Variants in MBNL1 observed in about 807,000 individuals in gnomAD.
The protein encoded by MBNL1 is muscleblind like splicing regulator 1.
A neutral mutation model predicts 42.2 loss-of-function variants in MBNL1; 8 were observed. The observed-to-expected ratio is 0.19, with a 90% CI of 0.11 to 0.34. The LOEUF (loss-of-function observed/expected upper bound fraction) is 0.34. Among genes scored for constraint, MBNL1 ranks in the 10% least tolerant of loss-of-function variants. MBNL1 has a pLI of 1.00. For missense variants in MBNL1, 309 were observed against 495.3 expected, an observed-to-expected ratio of 0.62 and a Z score of 3.57; for synonymous variants, 169 against 173.9, an observed-to-expected ratio of 0.97 and a Z score of 0.22.
At chr3:152,427,099 A>G (rs993607549) in intron 3 of MBNL1, among the ~76,000 whole-genome samples, 6 of 152,212 alleles carry the variant, frequency 3.9e-5, no homozygotes, top group Admixed American at 2.6e-4. Context: ...TTCTCTGAGT[A>G]GTCTTTCATC....
chr3:152,404,487 A>C (rs1046671693), intron 2 of MBNL1, among the ~76,000 whole-genome samples: 2 of 152,124 alleles, frequency 1.3e-5, no homozygotes, highest in Non-Finnish European at 2.9e-5. Context: ...GGGATCTAGC[A>C]GGTACAAATA....
intron 2 of MBNL1, among the ~76,000 whole-genome samples, chr3:152,382,935 G>C (rs1237326302): frequency 6.6e-6 from 1 of 152,196 alleles, no homozygotes; most frequent in East Asian, 1.9e-4. Flanking sequence ...CTTGAGGAAT[G>C]ATTCTCACTT....
intron 2 of MBNL1, among the ~76,000 whole-genome samples, chr3:152,353,790 ATC>A (rs759196859): frequency 6.6e-6 from 1 of 152,008 alleles, no homozygotes; most frequent in African/African-American, 2.4e-5. Context: ...GGTTCACAAA[ATC>A]TCTGCAGCCC....
chr3:152,378,592 GA>G (rs1376327697), intron 2 of MBNL1, among the ~76,000 whole-genome samples: 3 of 151,742 alleles, frequency 2.0e-5, no homozygotes, highest in Non-Finnish European at 4.4e-5. Context: ...TTTTTCCTTT[GA>G]AAGATTTTCT....
At chr3:152,253,816 G>A (rs971936929) in intron 2 of MBNL1, among the ~76,000 whole-genome samples, 11 of 151,892 alleles carry the variant, frequency 7.2e-5, no homozygotes, top group Admixed American at 2.0e-4. Context: ...GATGCTTCCC[G>A]TGGTCCACTA....
intron 9 of MBNL1, among the ~76,000 whole-genome samples, chr3:152,462,085 A>AG (rs1747154429): frequency 6.6e-6 from 1 of 152,190 alleles, no homozygotes; most frequent in African/African-American, 2.4e-5. Context: ...GTGCTAAAAA[A>AG]GAGCTCTGTA....
At chr3:152,299,291 A>G (rs2059870977) in intron 1 of MBNL1, 114 bp from the exon 2 acceptor site, 1 of 161,762 alleles carries the variant, frequency 6.2e-6, no homozygotes, top group African/African-American at 2.4e-5. Flanking sequence ...GGAGAGAGAG[A>G]GAGAGGCTGA....
intron 2 of MBNL1, among the ~76,000 whole-genome samples, chr3:152,312,807 A>G (rs2067636818): frequency 6.6e-6 from 1 of 151,846 alleles, no homozygotes; most frequent in Non-Finnish European, 1.5e-5. Context: ...GTGTTTTGGT[A>G]TTTTCTGAGT....
intron 2 of MBNL1, among the ~76,000 whole-genome samples, chr3:152,373,514 C>A (rs1345739468): frequency 6.6e-6 from 1 of 152,098 alleles, no homozygotes; most frequent in Non-Finnish European, 1.5e-5. Flanking sequence ...GGTTGGAATG[C>A]ACCATTCCTC....
intron 2 of MBNL1, among the ~76,000 whole-genome samples, chr3:152,377,854 G>T (rs187690578): frequency 6.6e-6 from 1 of 152,128 alleles, no homozygotes; most frequent in Admixed American, 6.5e-5. Flanking sequence ...ACTGTCTTCC[G>T]TGGATTCTTG....
chr3:152,276,421 A>C (rs1353865319), intron 1 of MBNL1, among the ~76,000 whole-genome samples: 2 of 152,370 alleles, frequency 1.3e-5, no homozygotes, highest in East Asian at 3.8e-4. Context: ...AATAAGTAGC[A>C]CAATAAGGAG....
At chr3:152,386,448 C>T (rs13099394) in intron 2 of MBNL1, among the ~76,000 whole-genome samples, 18,086 of 152,036 alleles carry the variant, frequency 0.12, 1,222 homozygotes, top group Middle Eastern at 0.18. Flanking sequence ...ATTGGCAAAT[C>T]CCATTCTGTC....
chr3:152,400,655 G>A (rs906081126), intron 2 of MBNL1, among the ~76,000 whole-genome samples: 1 of 152,122 alleles, frequency 6.6e-6, no homozygotes, highest in Non-Finnish European at 1.5e-5. Flanking sequence ...GATTATGCAG[G>A]TGTTGCTGGT....
chr3:152,412,912 A>G (rs150672991), intron 2 of MBNL1, among the ~76,000 whole-genome samples: 73 of 152,328 alleles, frequency 4.8e-4, no homozygotes, highest in African/African-American at 1.7e-3. Flanking sequence ...GCATTTAAAG[A>G]AATCCAGTTT....
intron 2 of MBNL1, chr3:152,338,277 T>C (rs2091849332): frequency 2.0e-6 from 2 of 985,284 alleles, no homozygotes; most frequent in Admixed American, 6.2e-5. Context: ...TCTGTGCCAA[T>C]TGTTCCTCTT....
intron 2 of MBNL1, among the ~76,000 whole-genome samples, chr3:152,380,459 C>T (rs959365891): frequency 6.6e-6 from 1 of 151,998 alleles, no homozygotes; most frequent in Non-Finnish European, 1.5e-5. Context: ...AGGGAAACAG[C>T]ATGAATGGAA....
At chr3:152,431,020 T>C (rs1381854348) in intron 3 of MBNL1, among the ~76,000 whole-genome samples, 2 of 152,258 alleles carry the variant, frequency 1.3e-5, no homozygotes, top group Non-Finnish European at 2.9e-5. Flanking sequence ...GTATTACATA[T>C]TCTGTTTTTT....
intron 2 of MBNL1, among the ~76,000 whole-genome samples, chr3:152,409,748 AT>A (rs2098522034): frequency 6.6e-6 from 1 of 152,188 alleles, no homozygotes; most frequent in African/African-American, 2.4e-5. Context: ...GTCTACTTAA[AT>A]AGAACTTGGT....
intron 2 of MBNL1, among the ~76,000 whole-genome samples, chr3:152,403,196 C>A (rs959031444): frequency 8.4e-6 from 1 of 119,352 alleles, no homozygotes; most frequent in Non-Finnish European, 1.9e-5. Context: ...CGTTCACATT[C>A]TGGTTTGTTA....
Sources: gnomAD v4.1 joint callset for allele counts (sites outside exome capture counted in the v4.1 genomes callset) on GRCh38, gnomAD v4.1.1 for gene constraint, MANE v1.5 for transcripts, NCBI Gene and HGNC (gene_info 2026-07-23, HGNC 2026-07-21) for gene names.